Variants in GMDS observed in about 807,000 individuals in gnomAD.
GMDS encodes the protein GDP-mannose 4,6-dehydratase.
A neutral mutation model predicts 49.9 loss-of-function variants in GMDS; 20 were observed. The ratio of observed to expected loss-of-function variants is 0.40; its 90% CI spans 0.28 to 0.58. GMDS has a LOEUF of 0.58. Ranked by LOEUF, GMDS falls within the 20% of genes least tolerant of loss-of-function variation. The pLI is 0.42. For synonymous variants in GMDS, 177 were observed against 178.6 expected (o/e 0.99, Z 0.07); for missense variants, 362 against 481.4 (o/e 0.75, Z 2.32).
chr6:1,742,557 C>G lies in GMDS; in HGVS notation c.801G>C (p.Glu267Asp). The change falls in exon 8 of 11, where the codon GAG becomes GAC. Residue 267 changes from glutamate (E) to aspartate (D), a missense_variant. Glu to Asp is a conservative substitution (Grantham distance 45). Coordinates refer to ENST00000380815, the MANE Select transcript of GMDS (RefSeq NM_001500.4). ...CAGTAGCTATAACGAAGTCCTCCGG[C>G]TCATCATTCTGCAACATCAACCACA... ...EAMWLMLQND[E>D]PEDFVIATGE... The G allele has an allele frequency of 6.2e-7, 1 of 1,609,712 alleles. No individual in the cohort carries two copies. The highest frequency in any genetic ancestry group is 1.1e-5 in the South Asian group (1 of 90,946).
intron 7 of GMDS, among the ~76,000 whole-genome samples, chr6:1,906,037 A>G (rs1466451562): frequency 6.6e-6 from 1 of 152,070 alleles, no homozygotes; most frequent in African/African-American, 2.4e-5. Context: ...CAGCTGTTCC[A>G]AAAAACGATA....
intron 7 of GMDS, among the ~76,000 whole-genome samples, chr6:1,802,854 C>A (rs118068461): frequency 6.6e-6 from 1 of 152,154 alleles, no homozygotes; most frequent in Non-Finnish European, 1.5e-5. Context: ...CTGAAGCAGT[C>A]GCCTGTTTCA....
chr6:1,863,007 C>T (rs546782422), intron 7 of GMDS, among the ~76,000 whole-genome samples: 1 of 152,156 alleles, frequency 6.6e-6, no homozygotes, highest in Non-Finnish European at 1.5e-5. Context: ...AAAGGCTAAA[C>T]TAGCCACATT....
In GMDS at chr6:1,645,950, C is replaced by T. The variant is rs73398757; in HGVS notation, c.988-21410G>A. Among the ~76,000 whole-genome samples, 543 of 152,316 alleles carry T rather than the reference C, an allele frequency of 3.6e-3. 3 individuals carry two copies. Among genetic ancestry groups the T allele is most frequent in the African/African-American group, 0.013 (521 of 41,572 alleles). On this transcript the variant is annotated intron_variant, in intron 9 of 10. Coordinates refer to ENST00000380815, the MANE Select transcript of GMDS (RefSeq NM_001500.4). Reference sequence around the variant, plus strand: ...CTCCCTAGAACATCAGTGCTGAGTGCACTATATGGACCTCTGTCTTCAGGA... The same window carrying T: ...CTCCCTAGAACATCAGTGCTGAGTGTACTATATGGACCTCTGTCTTCAGGA...
chr6:2,193,449 A>T (rs1779140604), intron 1 of GMDS, among the ~76,000 whole-genome samples: 1 of 152,218 alleles, frequency 6.6e-6, no homozygotes. Context: ...CACAGCAGGG[A>T]TGCTCCCAAA....
At chr6:2,180,875 A>T (rs955253833) in intron 1 of GMDS, among the ~76,000 whole-genome samples, 2 of 152,222 alleles carry the variant, frequency 1.3e-5, no homozygotes, top group Admixed American at 6.5e-5. Context: ...TACATAAGAC[A>T]GATGGATGAA....
intron 7 of GMDS, among the ~76,000 whole-genome samples, chr6:1,895,581 T>A (rs140032048): frequency 1.2e-3 from 181 of 152,376 alleles, no homozygotes; most frequent in African/African-American, 4.3e-3. Context: ...ACAGCACTGA[T>A]AAAGAACATT....
chr6:2,076,042 G>A (rs530386633), intron 4 of GMDS, among the ~76,000 whole-genome samples: 1 of 152,268 alleles, frequency 6.6e-6, no homozygotes, highest in African/African-American at 2.4e-5. Flanking sequence ...TCTTTTGGCT[G>A]CATAAATGTC....
At chr6:1,742,313 C>A (rs1767306184) in intron 8 of GMDS, among the ~76,000 whole-genome samples, 155 bp downstream of exon 8, 1 of 152,132 alleles carries the variant, frequency 6.6e-6, no homozygotes, top group Non-Finnish European at 1.5e-5. Context: ...GGGCTGGATG[C>A]AGAGCAGAGC....
intron 9 of GMDS, among the ~76,000 whole-genome samples, chr6:1,713,718 A>T (rs1766064989): frequency 6.6e-6 from 1 of 152,168 alleles, no homozygotes; most frequent in African/African-American, 2.4e-5. Context: ...ATGAAGCACA[A>T]ACATCTCAAA....
intron 1 of GMDS, among the ~76,000 whole-genome samples, chr6:2,175,404 T>C (rs1329718947): frequency 6.6e-6 from 1 of 152,182 alleles, no homozygotes. Flanking sequence ...CAAGAAGACA[T>C]ATGCCACCTC....
chr6:2,163,742 G>A (rs1310373682), intron 1 of GMDS, among the ~76,000 whole-genome samples: 1 of 152,136 alleles, frequency 6.6e-6, no homozygotes, highest in Non-Finnish European at 1.5e-5. Context: ...TAGACACACA[G>A]GATGAACTAG....
intron 4 of GMDS, among the ~76,000 whole-genome samples, chr6:1,990,634 A>T (rs1284250510): frequency 6.6e-6 from 1 of 152,058 alleles, no homozygotes; most frequent in African/African-American, 2.4e-5. Context: ...CAGTGCAGTG[A>T]CACAACCTCG....
At chr6:1,750,202 T>C (rs1767664925) in intron 7 of GMDS, among the ~76,000 whole-genome samples, 1 of 152,184 alleles carries the variant, frequency 6.6e-6, no homozygotes, top group Non-Finnish European at 1.5e-5. Context: ...CTCTTAACTT[T>C]ATTATTTTTC....
chr6:1,926,278 T>G (rs1234244692), intron 7 of GMDS, among the ~76,000 whole-genome samples: 1 of 152,158 alleles, frequency 6.6e-6, no homozygotes, highest in African/African-American at 2.4e-5. Context: ...TATGGATGGC[T>G]AAACTGAAAG....
intron 8 of GMDS, among the ~76,000 whole-genome samples, chr6:1,727,497 G>C (rs993394636): frequency 1.3e-5 from 2 of 151,916 alleles, no homozygotes; most frequent in Non-Finnish European, 2.9e-5. Context: ...CTTAGAACTG[G>C]TTTGCATTAT....
chr6:1,942,172 G>A (rs1294858289), intron 6 of GMDS, among the ~76,000 whole-genome samples: 1 of 152,178 alleles, frequency 6.6e-6, no homozygotes, highest in African/African-American at 2.4e-5. Context: ...CTTTCTGGAT[G>A]GCCCTGCATG....
chr6:2,144,568 C>T (rs937726249), intron 1 of GMDS, among the ~76,000 whole-genome samples: 1 of 152,148 alleles, frequency 6.6e-6, no homozygotes, highest in Non-Finnish European at 1.5e-5. Context: ...AATACTGCTT[C>T]CTGAAGTGTA....
intron 9 of GMDS, among the ~76,000 whole-genome samples, chr6:1,711,672 C>G (rs1029125187): frequency 6.6e-6 from 1 of 152,190 alleles, no homozygotes; most frequent in Admixed American, 6.5e-5. Flanking sequence ...TTTCCATCCA[C>G]CTTGCTTATC....
Sources: allele counts gnomAD v4.1 joint callset (sites outside exome capture counted in the v4.1 genomes callset), GRCh38; gene constraint gnomAD v4.1.1; transcripts MANE v1.5; gene names NCBI Gene and HGNC (gene_info 2026-07-23, HGNC 2026-07-21).